Variants in STEAP1B observed in about 807,000 individuals in gnomAD.
STEAP1B encodes STEAP family protein MGC87042.
STEAP1B carries 13 observed loss-of-function variants against 27.9 expected under a neutral mutation model. That is an observed-to-expected ratio of 0.47 (90% confidence interval 0.30 to 0.74). The LOEUF (loss-of-function observed/expected upper bound fraction) is 0.74, where lower values mean the gene tolerates loss of function less well. Ranked by LOEUF, STEAP1B falls within the 30% of genes least tolerant of loss-of-function variation. The pLI is 0.06. For missense variants in STEAP1B, 250 were observed against 298.7 expected (o/e 0.84, Z 1.20); for synonymous variants, 86 against 107.1 (o/e 0.80, Z 1.22).
intron 4 of STEAP1B, among the ~76,000 whole-genome samples, chr7:22,485,827 T>G (rs1329630373): frequency 6.6e-6 from 1 of 152,200 alleles, no homozygotes; most frequent in African/African-American, 2.4e-5. Flanking sequence ...CTTGTTAAAA[T>G]AGATTGCTGA....
chr7:22,445,907 C>T (rs1785402499), intron 4 of STEAP1B, among the ~76,000 whole-genome samples: 1 of 152,234 alleles, frequency 6.6e-6, no homozygotes, highest in Admixed American at 6.5e-5. Flanking sequence ...ACTAATCAGT[C>T]TTTCCCCCTG....
rs138784799 is a variant in STEAP1B at position 22,477,197 on chromosome 7, G to A, written c.762+15368C>T. Reference sequence around the variant, plus strand: ...TCAAGGGAAGGAGATTCACAAGGGGGTGACCCATTGGGTCACATTATGGTG... The same window carrying A: ...TCAAGGGAAGGAGATTCACAAGGGGATGACCCATTGGGTCACATTATGGTG... On this transcript the variant is annotated intron_variant, in intron 4 of 4. Transcript: ENST00000678116. 1.1e-3 allele frequency among the ~76,000 whole-genome samples: 169 copies of A among 152,296 alleles called. 1 individual carries two copies. Among genetic ancestry groups the A allele is most frequent in the African/African-American group, 3.9e-3 (161 of 41,572 alleles).
intron 4 of STEAP1B, among the ~76,000 whole-genome samples, chr7:22,459,610 G>A (rs1785644196): frequency 6.6e-6 from 1 of 152,182 alleles, no homozygotes. Flanking sequence ...CCCTGTTTAT[G>A]ACAGTTTCCA....
chr7:22,437,359 T>C (rs2128401148), intron 4 of STEAP1B, among the ~76,000 whole-genome samples: 1 of 152,362 alleles, frequency 6.6e-6, no homozygotes, highest in Middle Eastern at 3.4e-3. Flanking sequence ...GCAGTAGTTG[T>C]CTTTCTGTGT....
chr7:22,468,487 G>C (rs1785824670), intron 4 of STEAP1B, among the ~76,000 whole-genome samples: 2 of 152,130 alleles, frequency 1.3e-5, no homozygotes, highest in Non-Finnish European at 2.9e-5. Context: ...TCATTTGGCA[G>C]CTTTTTAAAA....
intron 4 of STEAP1B, among the ~76,000 whole-genome samples, chr7:22,457,965 A>G (rs960268704): frequency 2.0e-5 from 3 of 152,144 alleles, no homozygotes; most frequent in Non-Finnish European, 4.4e-5. Flanking sequence ...CTCTCCCACC[A>G]TTTCCCATCC....
At chr7:22,439,863 C>T (rs1162902279) in intron 4 of STEAP1B, among the ~76,000 whole-genome samples, 2 of 152,138 alleles carry the variant, frequency 1.3e-5, no homozygotes, top group African/African-American at 4.8e-5. Context: ...CCCAATAAAA[C>T]ACCAGTATCA....
chr7:22,478,683 G>T (rs569682437), intron 4 of STEAP1B, among the ~76,000 whole-genome samples: 1 of 152,176 alleles, frequency 6.6e-6, no homozygotes, highest in African/African-American at 2.4e-5. Context: ...CTTACTTGGG[G>T]GGGGCTTGGA....
chr7:22,440,126 T>G (rs1471760166), intron 4 of STEAP1B, among the ~76,000 whole-genome samples: 1 of 152,188 alleles, frequency 6.6e-6, no homozygotes, highest in African/African-American at 2.4e-5. Context: ...GAGCTTTTTA[T>G]GAATTACAAT....
intron 4 of STEAP1B, among the ~76,000 whole-genome samples, chr7:22,440,865 A>G (rs893218856): frequency 6.6e-6 from 1 of 151,770 alleles, no homozygotes; most frequent in East Asian, 1.9e-4. Context: ...GTGACTATAT[A>G]CTAATAATTA....
At chr7:22,469,370 G>A (rs1282447808) in intron 4 of STEAP1B, among the ~76,000 whole-genome samples, 1 of 152,142 alleles carries the variant, frequency 6.6e-6, no homozygotes, top group African/African-American at 2.4e-5. Flanking sequence ...AGGAAGCTAA[G>A]GCTAATTATT....
At chr7:22,446,095 T>C (rs192652451) in intron 4 of STEAP1B, among the ~76,000 whole-genome samples, 72 of 152,376 alleles carry the variant, frequency 4.7e-4, no homozygotes, top group South Asian at 1.2e-3. Flanking sequence ...TGCTGTGCAG[T>C]TGTCGTTCAA....
intron 4 of STEAP1B, among the ~76,000 whole-genome samples, chr7:22,437,909 G>C (rs980358898): frequency 3.3e-5 from 5 of 152,070 alleles, no homozygotes; most frequent in Admixed American, 2.6e-4. Context: ...ACATCTTTTT[G>C]GGAAAACGTC....
chr7:22,430,529 T>C (rs1001467475), intron 4 of STEAP1B, among the ~76,000 whole-genome samples: 4 of 152,242 alleles, frequency 2.6e-5, no homozygotes, highest in African/African-American at 9.6e-5. Flanking sequence ...GTTTCAACAT[T>C]ATTCAGATGC....
At position 22,498,172 on chromosome 7, in the gene STEAP1B, G is replaced by C. The variant is rs1158308776; in HGVS notation, c.-32+1942C>G. Among the ~76,000 whole-genome samples the C allele has an allele frequency of 2.0e-5, 3 of 152,334 alleles. 1 individual carries two copies. Among genetic ancestry groups the C allele is most frequent in the African/African-American group, 4.8e-5 (2 of 41,576 alleles). On this transcript the variant is annotated intron_variant, in intron 1 of 4. Coordinates refer to ENST00000678116, the MANE Select transcript of STEAP1B (RefSeq NM_001382447.1). The stretch of plus-strand genomic sequence containing the variant: ...CTGCTGTGCAGCCCAGTTCCTAACA[G>C]GACACTGACTGATACCAGTCTGCGG...
At chr7:22,492,414 C>T (rs1583355679) in intron 4 of STEAP1B, 151 bp downstream of exon 4, 1 of 1,042,532 alleles carries the variant, frequency 9.6e-7, no homozygotes, top group East Asian at 4.2e-5. Context: ...ATAGGGAAAA[C>T]AACAGGAGAG....
chr7:22,479,891 G>C (rs1049844227), intron 4 of STEAP1B, among the ~76,000 whole-genome samples: 1 of 151,856 alleles, frequency 6.6e-6, no homozygotes, highest in African/African-American at 2.4e-5. Flanking sequence ...TTGTCATGTT[G>C]GGCAGGCTAG....
At chr7:22,435,294 G>C (rs1583630381) in intron 4 of STEAP1B, among the ~76,000 whole-genome samples, 1 of 151,916 alleles carries the variant, frequency 6.6e-6, no homozygotes, top group Non-Finnish European at 1.5e-5. Flanking sequence ...AAAGGAGGTG[G>C]AAAGTGTAAC....
chr7:22,445,924 C>T (rs907916191), intron 4 of STEAP1B, among the ~76,000 whole-genome samples: 3 of 152,168 alleles, frequency 2.0e-5, no homozygotes, highest in Admixed American at 6.5e-5. Context: ...CCTGATGAGT[C>T]GGAAACTTGA....
Sources: allele counts gnomAD v4.1 joint callset (sites outside exome capture counted in the v4.1 genomes callset), GRCh38; gene constraint gnomAD v4.1.1; transcripts MANE v1.5; gene names NCBI Gene and HGNC (gene_info 2026-07-23, HGNC 2026-07-21).